The following KPNA3 variants were observed in gnomAD, a reference collection of about 807,000 sequenced individuals.
The protein encoded by KPNA3 is karyopherin subunit alpha 3, also known as importin subunit alpha-4.
Under a neutral mutation model 73.8 loss-of-function variants are expected in KPNA3, and 13 were observed. The ratio of observed to expected loss-of-function variants is 0.18; its 90% confidence interval spans 0.11 to 0.28. The LOEUF is 0.28. KPNA3 is among the 10% of genes least tolerant of loss of function. KPNA3 has a pLI of 1.00. For missense variants in KPNA3, 360 were observed against 618.1 expected, an observed-to-expected ratio of 0.58 and a Z score of 4.43; for synonymous variants, 186 against 206.9, an observed-to-expected ratio of 0.90 and a Z score of 0.87.
chr13:49,767,403 G>C (rs1447453941), intron 1 of KPNA3, among the ~76,000 whole-genome samples: 1 of 142,816 alleles, frequency 7.0e-6, no homozygotes, highest in Non-Finnish European at 1.5e-5. Context: ...ACAGAGCCAA[G>C]ACTCTGTCTC....
At chr13:49,737,106 A>C (rs1954528723) in intron 2 of KPNA3, among the ~76,000 whole-genome samples, 1 of 152,176 alleles carries the variant, frequency 6.6e-6, no homozygotes, top group African/African-American at 2.4e-5. Flanking sequence ...TACCCATTAA[A>C]GGCCATCTGT....
At chr13:49,745,151 T>C (rs1217520537) in intron 2 of KPNA3, among the ~76,000 whole-genome samples, 1 of 152,212 alleles carries the variant, frequency 6.6e-6, no homozygotes, top group African/African-American at 2.4e-5. Flanking sequence ...GAAGACCTTA[T>C]GAATGTAGTT....
In KPNA3 at chr13:49,732,940, A is replaced by G. The variant is rs895028454; in HGVS notation, c.204+17T>C. On this transcript the variant is annotated intron_variant, in intron 3 of 16. Transcript: ENST00000261667. ...TAAAAATTATTTTAAAATCACTATT[A>G]AAACATGGTAACTTACTGCTTTAAA... is the stretch of plus-strand genomic sequence containing the variant. 3.2e-6 allele frequency: 5 copies of G among 1,541,818 alleles called. No homozygotes were observed. The Admixed American group carries it at 5.3e-5, about 16-fold the overall frequency.
chr13:49,705,583 A>T (rs1362608446), intron 15 of KPNA3, 38 bp downstream of exon 15: 1 of 1,587,728 alleles, frequency 6.3e-7, no homozygotes, highest in Non-Finnish European at 8.6e-7. Context: ...TCAGAGTTCC[A>T]GTGCTCAAAT....
Position 49,712,160 on chromosome 13 carries a change from T to A in KPNA3, c.772-1138A>T, listed in dbSNP as rs180859068. Among the ~76,000 whole-genome samples, 501 of 152,170 alleles carry A rather than the reference T, an allele frequency of 3.3e-3. 2 individuals carry two copies. Among genetic ancestry groups the A allele is most frequent in the Non-Finnish European group, 5.5e-3 (373 of 68,014 alleles). ...ACCCTGGCAGTAACAGTAACTAGAT[T>A]TACCTAGAAACAGGGGTCTCAAAGC... On this transcript the variant is annotated intron_variant, in intron 10 of 16. Transcript: ENST00000261667.
At chr13:49,726,847 C>T (rs1229785103) in intron 6 of KPNA3, among the ~76,000 whole-genome samples, 4 of 148,362 alleles carry the variant, frequency 2.7e-5, no homozygotes, top group Admixed American at 6.7e-5. Context: ...GGATGCTGGG[C>T]GGGGGTGGGA....
chr13:49,759,562 G>A (rs1334362526), intron 1 of KPNA3, among the ~76,000 whole-genome samples: 1 of 152,148 alleles, frequency 6.6e-6, no homozygotes, highest in African/African-American at 2.4e-5. Flanking sequence ...GCAACTAGAG[G>A]TCCCATCTGG....
At chr13:49,768,995 C>A (rs865933346) in intron 1 of KPNA3, among the ~76,000 whole-genome samples, 1 of 152,122 alleles carries the variant, frequency 6.6e-6, no homozygotes, top group South Asian at 2.1e-4. Flanking sequence ...CACCCTCAGA[C>A]AAAAACCCAC....
intron 12 of KPNA3, among the ~76,000 whole-genome samples, chr13:49,707,584 C>T (rs1447052473): frequency 4.0e-5 from 6 of 151,222 alleles, no homozygotes; most frequent in Non-Finnish European, 8.8e-5. Context: ...CTACCCCCCA[C>T]GATACCCTCA....
chr13:49,713,674 C>CACACACACACAAA, intron 10 of KPNA3, among the ~76,000 whole-genome samples: 1 of 141,896 alleles, frequency 7.0e-6, no homozygotes, highest in South Asian at 2.2e-4. Flanking sequence ...CACACACACA[C>CACACACACACAAA]AAAACAGAAA....
chr13:49,761,011 T>C (rs1027245492), intron 1 of KPNA3, among the ~76,000 whole-genome samples: 1 of 152,182 alleles, frequency 6.6e-6, no homozygotes, highest in African/African-American at 2.4e-5. Flanking sequence ...TTAAAAAGAA[T>C]TCCTATATTT....
In KPNA3 at chr13:49,708,401, T is replaced by C. The variant is rs138446501; in HGVS notation, c.1032+1171A>G. On this transcript the variant is annotated intron_variant, in intron 12 of 16. Coordinates refer to ENST00000261667, the MANE Select transcript of KPNA3 (RefSeq NM_002267.4). ...AACGTTGGCTAGGATGTGGAGAAAT[T>C]AGAATTCTAGTAACACTGCTGGTGG... 6.6e-4 allele frequency among the ~76,000 whole-genome samples: 100 copies of C among 152,264 alleles called. 1 individual carries two copies. In the East Asian group the frequency reaches 0.017, roughly 26 times the overall value.
At chr13:49,726,262 A>ATCT (rs1954408397) in intron 6 of KPNA3, among the ~76,000 whole-genome samples, 1 of 152,224 alleles carries the variant, frequency 6.6e-6, no homozygotes, top group South Asian at 2.1e-4. Flanking sequence ...TACTAGGGAT[A>ATCT]TTACAAGGCT....
intron 8 of KPNA3, 62 bp downstream of exon 8, chr13:49,722,415 T>C (rs1954368219): frequency 3.7e-6 from 4 of 1,089,258 alleles, no homozygotes; most frequent in Non-Finnish European, 5.5e-6. Flanking sequence ...ATGTAATGGC[T>C]ATGCCAATGT....
At chr13:49,749,854 AGAG>A (rs1468619634) in intron 1 of KPNA3, among the ~76,000 whole-genome samples, 2 of 152,234 alleles carry the variant, frequency 1.3e-5, no homozygotes, top group Non-Finnish European at 2.9e-5. Flanking sequence ...TCAGTTAAGA[AGAG>A]GAGGTACTGA....
intron 9 of KPNA3, 50 bp downstream of exon 9, chr13:49,721,905 T>A: frequency 7.8e-7 from 1 of 1,285,978 alleles, no homozygotes. Context: ...ATTCCTGAAG[T>A]ACAAACATAG....
intron 9 of KPNA3, among the ~76,000 whole-genome samples, chr13:49,721,706 G>C (rs1954360338): frequency 6.6e-6 from 1 of 152,088 alleles, no homozygotes; most frequent in Non-Finnish European, 1.5e-5. Context: ...TGTAGTCCCA[G>C]CTACTCAGGA....
chr13:49,733,188 G>A (rs2137555476), intron 2 of KPNA3, 142 bp from the exon 3 acceptor site: 1 of 608,930 alleles, frequency 1.6e-6, no homozygotes, highest in Non-Finnish European at 2.9e-6. Flanking sequence ...TGTGCATACT[G>A]CAAACCAATG....
At chr13:49,787,808 T>C (rs975036186) in intron 1 of KPNA3, among the ~76,000 whole-genome samples, 5 of 152,138 alleles carry the variant, frequency 3.3e-5, no homozygotes, top group African/African-American at 1.2e-4. Flanking sequence ...GCCTCCCGTG[T>C]AGCTGGGACT....
Sources: allele counts gnomAD v4.1 joint callset (sites outside exome capture counted in the v4.1 genomes callset), GRCh38; gene constraint gnomAD v4.1.1; transcripts MANE v1.5; gene names NCBI Gene and HGNC (gene_info 2026-07-23, HGNC 2026-07-21).